The following KCTD16 variants were observed in gnomAD, a reference collection of about 807,000 sequenced individuals.
The protein encoded by KCTD16 is BTB/POZ domain-containing protein KCTD16.
KCTD16 carries 13 observed loss-of-function variants against 33.2 expected under a neutral mutation model. The observed-to-expected ratio is 0.39, with a 90% confidence interval of 0.25 to 0.62. The LOEUF (loss-of-function observed/expected upper bound fraction) is 0.62. Among genes scored for constraint, KCTD16 ranks in the 20% least tolerant of loss-of-function variants. The pLI, the probability that KCTD16 is intolerant of heterozygous loss-of-function variation, is 0.50. For missense variants in KCTD16, 441 were observed against 525.1 expected (o/e 0.84, Z 1.57); for synonymous variants, 197 against 195.3 (o/e 1.01, Z -0.07).
At chr5:144,176,699 G>A (rs568407848) in intron 2 of KCTD16, among the ~76,000 whole-genome samples, 1 of 152,252 alleles carries the variant, frequency 6.6e-6, no homozygotes, top group African/African-American at 2.4e-5. Flanking sequence ...ACCGCGCCCG[G>A]CCAAGATATA....
At chr5:144,244,515 A>G (rs1423735210) in intron 3 of KCTD16, among the ~76,000 whole-genome samples, 2 of 152,230 alleles carry the variant, frequency 1.3e-5, no homozygotes, top group Admixed American at 1.3e-4. Flanking sequence ...TCAATTCCAC[A>G]GAATTGGACT....
chr5:144,239,732 C>T (rs1368504490), intron 3 of KCTD16, among the ~76,000 whole-genome samples: 1 of 152,034 alleles, frequency 6.6e-6, no homozygotes, highest in African/African-American at 2.4e-5. Flanking sequence ...GATGAAAAAC[C>T]AATTACTACA....
At position 144,229,120 on chromosome 5, in the gene KCTD16, G is replaced by A. The variant is rs148936319; in HGVS notation, c.832+21574G>A. 2.4e-3 allele frequency among the ~76,000 whole-genome samples: 370 copies of A among 152,314 alleles called. 1 individual carries two copies. Among genetic ancestry groups the A allele is most frequent in the African/African-American group, 8.6e-3 (356 of 41,578 alleles). ...TTTCTCCAGCTATGTCCAGTTGCAT[G>A]GGGGCAGGTGGAAGTAAGCCCAGAT... On this transcript the variant is annotated intron_variant, in intron 3 of 3. Transcript: ENST00000512467.
chr5:144,199,707 ATTTTTTTT>A (rs574670606), intron 2 of KCTD16, among the ~76,000 whole-genome samples: 5 of 67,720 alleles, frequency 7.4e-5, no homozygotes, highest in Non-Finnish European at 1.1e-4. Context: ...GAACAGCTTC[ATTTTTTTT>A]TTTTTTTTTT....
At chr5:144,378,320 A>C (rs1752138175) in intron 3 of KCTD16, among the ~76,000 whole-genome samples, 1 of 152,200 alleles carries the variant, frequency 6.6e-6, no homozygotes, top group African/African-American at 2.4e-5. Context: ...TATATGAATA[A>C]GGTGGTGTAT....
intron 3 of KCTD16, among the ~76,000 whole-genome samples, chr5:144,356,549 C>T (rs1751576188): frequency 1.3e-5 from 2 of 152,024 alleles, no homozygotes; most frequent in African/African-American, 4.8e-5. Flanking sequence ...GTTTACTGCC[C>T]ATTGGAAGAA....
At chr5:144,216,264 C>T (rs1753559619) in intron 3 of KCTD16, among the ~76,000 whole-genome samples, 1 of 152,136 alleles carries the variant, frequency 6.6e-6, no homozygotes, top group Non-Finnish European at 1.5e-5. Flanking sequence ...CATTTTGCTT[C>T]ACACTGTGAG....
chr5:144,403,089 G>C (rs944903815), intron 3 of KCTD16, among the ~76,000 whole-genome samples: 1 of 152,088 alleles, frequency 6.6e-6, no homozygotes, highest in Non-Finnish European at 1.5e-5. Context: ...TAGTCCTCCT[G>C]CCTCCCTCTT....
chr5:144,428,265 G>A (rs561504925), intron 3 of KCTD16, among the ~76,000 whole-genome samples: 2 of 152,290 alleles, frequency 1.3e-5, no homozygotes, highest in Admixed American at 6.5e-5. Context: ...TTGCTTGTCT[G>A]TTAATCAGTG....
At chr5:144,189,847 T>C (rs1752806813) in intron 2 of KCTD16, among the ~76,000 whole-genome samples, 2 of 152,202 alleles carry the variant, frequency 1.3e-5, no homozygotes, top group Admixed American at 1.3e-4. Context: ...ACTGCTATAT[T>C]GTTATTTCCC....
intron 3 of KCTD16, among the ~76,000 whole-genome samples, chr5:144,208,081 C>A (rs528405966): frequency 1.3e-5 from 2 of 152,164 alleles, no homozygotes; most frequent in Admixed American, 6.5e-5. Context: ...CCTGCTCCCC[C>A]CAAGTCTAAA....
chr5:144,413,716 G>T (rs1369289344), intron 3 of KCTD16, among the ~76,000 whole-genome samples: 1 of 152,052 alleles, frequency 6.6e-6, no homozygotes, highest in Non-Finnish European at 1.5e-5. Flanking sequence ...ATATCTCCGT[G>T]GTCAGGATGG....
intron 2 of KCTD16, among the ~76,000 whole-genome samples, chr5:144,205,078 G>T (rs192828958): frequency 6.6e-6 from 1 of 152,154 alleles, no homozygotes; most frequent in Admixed American, 6.5e-5. Context: ...TGGGTAGGGG[G>T]CAGGGATTTG....
intron 3 of KCTD16, among the ~76,000 whole-genome samples, chr5:144,285,877 A>G (rs1235378569): frequency 1.3e-5 from 2 of 152,082 alleles, no homozygotes; most frequent in Admixed American, 6.6e-5. Flanking sequence ...CAGACAGAAC[A>G]ATTCTAAGAT....
chr5:144,186,744 A>G (rs983435727), intron 2 of KCTD16, among the ~76,000 whole-genome samples: 4 of 152,196 alleles, frequency 2.6e-5, no homozygotes, highest in African/African-American at 9.7e-5. Flanking sequence ...GATCAAGGTA[A>G]AGGATTATTA....
intron 3 of KCTD16, among the ~76,000 whole-genome samples, chr5:144,310,867 G>A (rs1485168786): frequency 1.3e-5 from 2 of 152,092 alleles, no homozygotes; most frequent in Non-Finnish European, 2.9e-5. Flanking sequence ...CTTTGTTTCT[G>A]TTGCCACTCA....
At chr5:144,446,062 T>A (rs1226250129) in intron 3 of KCTD16, among the ~76,000 whole-genome samples, 1 of 151,942 alleles carries the variant, frequency 6.6e-6, no homozygotes, top group Non-Finnish European at 1.5e-5. Context: ...ATCATGTAGG[T>A]CTTGTGATTG....
intron 3 of KCTD16, among the ~76,000 whole-genome samples, chr5:144,376,213 C>T (rs1218211365): frequency 1.3e-5 from 2 of 151,768 alleles, no homozygotes; most frequent in East Asian, 1.9e-4. Context: ...CTTTTCTTTT[C>T]GTTTATGATT....
intron 3 of KCTD16, among the ~76,000 whole-genome samples, chr5:144,317,498 A>C (rs1401814254): frequency 6.6e-6 from 1 of 152,156 alleles, no homozygotes. Flanking sequence ...AAATTTGTGA[A>C]CCATTGGTCA....
Sources: gnomAD v4.1 joint callset for allele counts (sites outside exome capture counted in the v4.1 genomes callset) on GRCh38, gnomAD v4.1.1 for gene constraint, MANE v1.5 for transcripts, NCBI Gene and HGNC (gene_info 2026-07-23, HGNC 2026-07-21) for gene names.